The following AP5Z1 variants were observed in gnomAD, a reference collection of about 807,000 sequenced individuals.
AP5Z1 encodes the protein adaptor related protein complex 5 subunit zeta 1, also known as AP-5 complex subunit zeta-1.
In AP5Z1, 106 loss-of-function variants were observed where a neutral mutation model predicts 83.0. The ratio of observed to expected loss-of-function variants is 1.28; its 90% confidence interval spans 1.09 to 1.50. The LOEUF (loss-of-function observed/expected upper bound fraction) is 1.50, where lower values mean the gene tolerates loss of function less well. AP5Z1 is among the 40% of genes most tolerant of loss of function. AP5Z1 has a pLI of 0.00. For synonymous variants in AP5Z1, 751 were observed against 514.1 expected (o/e 1.46, Z -6.23); for missense variants, 1,565 against 1,094.2 (o/e 1.43, Z -6.07).
intron 10 of AP5Z1, 108 bp downstream of exon 10, chr7:4,786,536 C>A: frequency 7.7e-7 from 1 of 1,293,122 alleles, no homozygotes; most frequent in South Asian, 1.4e-5. Context: ...GCATAGAGCC[C>A]TGTGAGTCCC....
Position 4,794,038 on chromosome 7 carries a change from G to A in AP5Z1, c.*2653G>A, listed in dbSNP as rs1781874284. The A allele has an allele frequency of 6.6e-6, 1 of 152,570 alleles. No individual in the cohort carries two copies. Among genetic ancestry groups the A allele is most frequent in the Non-Finnish European group, 1.5e-5 (1 of 68,344 alleles). The allele number at this position is 152,570 out of a possible 1,614,324, so 9.5% of individuals were successfully genotyped here. On this transcript the variant is annotated 3_prime_UTR_variant, in exon 17 of 17. Transcript: ENST00000649063. ...ATTGGCACTCTGTATCTAGCTCAAGGTTTGTAAACACACCAATCAGCACCT... is the reference window on the plus strand; with the variant it reads ...ATTGGCACTCTGTATCTAGCTCAAGATTTGTAAACACACCAATCAGCACCT...
chr7:4,787,982 C>T (rs991128835), intron 11 of AP5Z1, among the ~76,000 whole-genome samples, 172 bp from the exon 12 acceptor site: 1 of 152,164 alleles, frequency 6.6e-6, no homozygotes, highest in African/African-American at 2.4e-5. Flanking sequence ...CCCCTGCACC[C>T]TGGAGTGCCT....
chr7:4,788,729 G>C, intron 12 of AP5Z1, 111 bp from the exon 13 acceptor site: 1 of 954,444 alleles, frequency 1.0e-6, no homozygotes, highest in Non-Finnish European at 1.5e-6. Context: ...GGCGATGAGT[G>C]AGGATGGGAG....
In AP5Z1 at chr7:4,784,151, G is replaced by A. The variant is rs140536612; in HGVS notation, c.622-52G>A. 8.2e-4 allele frequency: 1,259 copies of A among 1,527,312 alleles called. 3 individuals carry two copies. The highest frequency in any genetic ancestry group is 9.5e-4 in the Admixed American group (46 of 48,520). The allele number at this position is 1,527,312 out of a possible 1,614,324, so 94.6% of individuals were successfully genotyped here. On this transcript the variant is annotated intron_variant, in intron 5 of 16. Transcript: ENST00000649063. ...TGAGGAGCTTGTGCTAAAGGCTGGC[G>A]TTTTTCCCGGCCTCGGCCCCCTCCG...
rs1305343349 is a variant in AP5Z1 at position 4,783,928 on chromosome 7, C to T, written c.621+130C>T. The T allele has an allele frequency of 5.4e-5, 58 of 1,076,400 alleles. 1 individual carries two copies. In the East Asian group the frequency reaches 8.1e-4, roughly 15 times the overall value. 66.7% of individuals were successfully genotyped at this position (1,076,400 alleles called of 1,614,324 possible). On this transcript the variant is annotated intron_variant, in intron 5 of 16. Coordinates refer to ENST00000649063, the MANE Select transcript of AP5Z1 (RefSeq NM_014855.3). ...GTCCAGGACGAGCCTGCCTCTGCTG[C>T]GGGGCTTGGGTCAGGCAGGGCCACA...
At chr7:4,784,402 GGGGT>G in intron 6 of AP5Z1, 31 bp downstream of exon 6, 1 of 1,562,656 alleles carries the variant, frequency 6.4e-7, no homozygotes, top group Non-Finnish European at 8.6e-7. Context: ...ACGTCAGACA[GGGGT>G]GGGAGGTGGG....
Position 4,791,242 on chromosome 7 carries a change from C to G in AP5Z1, c.2281C>G (p.Pro761Ala), listed in dbSNP as rs768616888. Residue 761 changes from proline to alanine, a missense_variant, in exon 17 of 17, where the codon CCT becomes GCT. Physicochemically the swap from Pro to Ala is conservative, Grantham distance 27. Transcript: ENST00000649063. ...ATELLTLLKMPSVAQFVLTPS... is the reference protein window; with the variant it reads ...ATELLTLLKMASVAQFVLTPS... ...AGAGCTGCTGACCCTGCTGAAGATG[C>G]CTAGCGTGGCCCAGTTTGTGCTCAC... 8 of 1,612,792 alleles carry G rather than the reference C, an allele frequency of 5.0e-6. No homozygotes were observed. The highest frequency in any genetic ancestry group is 1.3e-5 in the African/African-American group (1 of 75,072).
intron 13 of AP5Z1, 72 bp downstream of exon 13, chr7:4,789,023 G>T (rs1000364205): frequency 1.5e-6 from 2 of 1,347,058 alleles, no homozygotes; most frequent in South Asian, 1.3e-5. Context: ...GCCAGCACTG[G>T]GGGGCCCTCT....
chr7:4,777,353 C>CTTCATTTATTTATTTA (rs369481207), intron 1 of AP5Z1, among the ~76,000 whole-genome samples: 7 of 148,844 alleles, frequency 4.7e-5, no homozygotes, highest in African/African-American at 1.8e-4. Flanking sequence ...GAAGAGCCCT[C>CTTCATTTATTTATTTA]TTTATTTATT....
chr7:4,784,377 CG>C lies in AP5Z1; in HGVS notation c.790+10del. ...CCCGGGCACCCTGGACACAGGTGTG[CG>C]GGGTGGGGGGATGACGTCAGACAGG... On this transcript the variant is annotated splice_region_variant and intron_variant, in intron 6 of 16. Coordinates refer to ENST00000649063, the MANE Select transcript of AP5Z1 (RefSeq NM_014855.3). The C allele has an allele frequency of 1.3e-6, 1 of 778,150 alleles. No homozygotes were observed. Among genetic ancestry groups the C allele is most frequent in the Non-Finnish European group, 1.9e-6 (1 of 514,178 alleles). 48.2% of individuals were successfully genotyped at this position (778,150 alleles called of 1,614,324 possible).
Position 4,790,477 on chromosome 7 carries a change from C to A in AP5Z1, c.1824C>A (p.Phe608Leu), listed in dbSNP as rs181363590. The A allele has an allele frequency of 3.7e-6, 6 of 1,613,198 alleles. No individual in the cohort carries two copies. The East Asian group carries it at 1.3e-4, about 36-fold the overall frequency. The change falls in exon 15 of 17, where the codon TTC (phenylalanine) becomes TTA (leucine). Residue 608 changes from phenylalanine to leucine, a missense_variant. By Grantham distance (22) the Phe-to-Leu change is conservative. Coordinates refer to ENST00000649063, the MANE Select transcript of AP5Z1 (RefSeq NM_014855.3). Reference sequence around the variant, plus strand: ...TGGGCAGTGTGCTGAGTTCTCAGTTCCTGGCCCTGTGTACGCTGAAACCCT... The same window carrying A: ...TGGGCAGTGTGCTGAGTTCTCAGTTACTGGCCCTGTGTACGCTGAAACCCT... ...AGVHSVLSSQFLALCTLKPSL... is the reference protein window; with the variant it reads ...AGVHSVLSSQLLALCTLKPSL...
intron 6 of AP5Z1, 126 bp from the exon 7 acceptor site, chr7:4,784,782 G>GACGCCTC: frequency 7.7e-7 from 1 of 1,305,708 alleles, no homozygotes; most frequent in Non-Finnish European, 1.0e-6. Context: ...CTGAGACGGT[G>GACGCCTC]ACGCCTCACG....
At chr7:4,781,043 C>G in intron 1 of AP5Z1, 132 bp from the exon 2 acceptor site, 1 of 1,173,940 alleles carries the variant, frequency 8.5e-7, no homozygotes, top group Non-Finnish European at 1.2e-6. Context: ...AGCCATGAGC[C>G]GTGGAACCGT....
chr7:4,776,990 C>T (rs144435358), intron 1 of AP5Z1, among the ~76,000 whole-genome samples: 137 of 152,198 alleles, frequency 9.0e-4, no homozygotes, highest in African/African-American at 3.1e-3. Flanking sequence ...GTTGAAATTG[C>T]TGTGATTATA....
At position 4,785,546 on chromosome 7, in the gene AP5Z1, C is replaced by G. The variant is rs1045333933; in HGVS notation, c.994C>G (p.Leu332Val). 1.2e-6 allele frequency: 2 copies of G among 1,612,566 alleles called. No homozygotes were observed. Among genetic ancestry groups the G allele is most frequent in the Admixed American group, 1.7e-5 (1 of 59,898 alleles). ...GTGCCTGGTGGAGGCCGTGCTGGTG[C>G]TGGACGTGCTGTGCCGGCAGGACCC... ...KACLVEAVLV[L>V]DVLCRQDPSF... The change falls in exon 9 of 17, where the codon CTG becomes GTG. Residue 332 changes from leucine to valine, a missense_variant. Transcript: ENST00000649063.
intron 10 of AP5Z1, among the ~76,000 whole-genome samples, chr7:4,787,060 C>G (rs1781570201): frequency 6.6e-6 from 1 of 152,012 alleles, no homozygotes; most frequent in Non-Finnish European, 1.5e-5. Flanking sequence ...GCATGAGCCA[C>G]CGCACCCGGC....
At position 4,785,453 on chromosome 7, in the gene AP5Z1, G is replaced by GTC. The variant is rs1306706234; in HGVS notation, c.969+2_969+3insCT. 1 of 1,613,460 alleles carries GTC rather than the reference G, an allele frequency of 6.2e-7. No individual in the cohort carries two copies. Among genetic ancestry groups the GTC allele is most frequent in the Admixed American group, 1.7e-5 (1 of 60,008 alleles). The stretch of plus-strand genomic sequence containing the variant: ...GGGGGACTCCGACCTGCAGAAAGCT[G>GTC]TAAGTGGCTGGGGACCAGGGGATGG... On this transcript the variant is annotated splice_donor_variant, in intron 8 of 16. Transcript: ENST00000649063. LOFTEE classifies it high-confidence loss of function.
intron 1 of AP5Z1, among the ~76,000 whole-genome samples, chr7:4,776,562 C>CAAAAAAA (rs55916241): frequency 3.6e-5 from 3 of 82,406 alleles, no homozygotes; most frequent in Non-Finnish European, 2.9e-5. Context: ...ACTGAAAATA[C>CAAAAAAA]AAAAAAAAAA....
intron 15 of AP5Z1, 22 bp downstream of exon 15, chr7:4,790,613 C>A: frequency 6.2e-7 from 1 of 1,612,366 alleles, no homozygotes; most frequent in South Asian, 1.1e-5. Context: ...GCTGGCCTCC[C>A]ACAGCCGCTC....
Sources: allele counts gnomAD v4.1 joint callset (sites outside exome capture counted in the v4.1 genomes callset), GRCh38; gene constraint gnomAD v4.1.1; transcripts MANE v1.5; gene names NCBI Gene and HGNC (gene_info 2026-07-23, HGNC 2026-07-21).